Variants in ADAM23 observed in about 807,000 individuals in gnomAD.
ADAM23 encodes the protein disintegrin and metalloproteinase domain-containing protein 23.
In ADAM23, 33 loss-of-function variants were observed where a neutral mutation model predicts 120.1. The ratio of observed to expected loss-of-function variants is 0.27; its 90% confidence interval spans 0.21 to 0.37. The LOEUF is 0.37. ADAM23 is among the 10% of genes least tolerant of loss of function. The pLI, the probability that ADAM23 is intolerant of heterozygous loss-of-function variation, is 1.00. For missense variants in ADAM23, 862 were observed against 1,058.2 expected (o/e 0.81, Z 2.57); for synonymous variants, 367 against 375.2 (o/e 0.98, Z 0.25).
intron 2 of ADAM23, among the ~76,000 whole-genome samples, chr2:206,478,690 A>G (rs1303338488): frequency 1.3e-5 from 2 of 152,210 alleles, no homozygotes; most frequent in African/African-American, 4.8e-5. Flanking sequence ...CCACCTTTTC[A>G]GATTCATTGT....
intron 3 of ADAM23, among the ~76,000 whole-genome samples, chr2:206,485,598 C>T (rs1198519392): frequency 6.6e-6 from 1 of 152,142 alleles, no homozygotes; most frequent in African/African-American, 2.4e-5. Context: ...TTGCATCTGG[C>T]TTGTGGAGGC....
intron 2 of ADAM23, among the ~76,000 whole-genome samples, chr2:206,479,996 A>G (rs940998493): frequency 6.6e-6 from 1 of 152,130 alleles, no homozygotes; most frequent in Non-Finnish European, 1.5e-5. Context: ...TATTTGGTGA[A>G]TTACTTGGAA....
chr2:206,475,375 A>G (rs893855303), intron 2 of ADAM23, among the ~76,000 whole-genome samples: 1 of 152,172 alleles, frequency 6.6e-6, no homozygotes, highest in Non-Finnish European at 1.5e-5. Context: ...TTTTTGCATT[A>G]TACAGAAAAA....
In ADAM23 at chr2:206,617,759, G is replaced by C. The variant is rs990526965; in HGVS notation, c.*132G>C. On this transcript the variant is annotated 3_prime_UTR_variant, in exon 26 of 26. Coordinates refer to ENST00000264377, the MANE Select transcript of ADAM23 (RefSeq NM_003812.4). ...GGTAATGACTACGGAGCTAAAGTTGGGGTGACAAGGATGGGGTAAAAGAAA... is the reference window on the plus strand; with the variant it reads ...GGTAATGACTACGGAGCTAAAGTTGCGGTGACAAGGATGGGGTAAAAGAAA... 2 of 1,490,942 alleles carry C rather than the reference G, an allele frequency of 1.3e-6. No individual in the cohort carries two copies. Among genetic ancestry groups the C allele is most frequent in the Non-Finnish European group, 1.8e-6 (2 of 1,118,574 alleles). The allele number at this position is 1,490,942 out of a possible 1,614,324, so 92.4% of individuals were successfully genotyped here.
chr2:206,592,952 TTAG>T (rs1356386252), intron 22 of ADAM23, among the ~76,000 whole-genome samples: 3 of 152,166 alleles, frequency 2.0e-5, no homozygotes, highest in East Asian at 3.9e-4. Context: ...ATTATACTAG[TTAG>T]TAGTAATATG....
intron 13 of ADAM23, among the ~76,000 whole-genome samples, chr2:206,563,018 A>T (rs914343187): frequency 1.3e-5 from 2 of 152,226 alleles, no homozygotes; most frequent in African/African-American, 4.8e-5. Flanking sequence ...TCCATGAAAA[A>T]TGTTAATTTC....
intron 2 of ADAM23, among the ~76,000 whole-genome samples, chr2:206,472,334 G>A (rs1258786879): frequency 1.3e-5 from 2 of 152,142 alleles, no homozygotes; most frequent in East Asian, 3.8e-4. Flanking sequence ...CTTCGGCTGG[G>A]CGAAGTGGCT....
chr2:206,595,950 C>T, intron 23 of ADAM23, 101 bp from the exon 24 acceptor site: 1 of 877,084 alleles, frequency 1.1e-6, no homozygotes, highest in African/African-American at 1.7e-5. Context: ...TTCCAAATAG[C>T]TTTTAAAGCT....
At chr2:206,583,046 A>G (rs1318084006) in intron 18 of ADAM23, among the ~76,000 whole-genome samples, 1 of 152,184 alleles carries the variant, frequency 6.6e-6, no homozygotes, top group Non-Finnish European at 1.5e-5. Flanking sequence ...ATCTTTTTGC[A>G]ATGAATTTCT....
chr2:206,611,653 G>A (rs2105865965), intron 25 of ADAM23, among the ~76,000 whole-genome samples: 1 of 152,276 alleles, frequency 6.6e-6, no homozygotes, highest in Non-Finnish European at 1.5e-5. Context: ...CTAGCCATAT[G>A]CAATGCCAAA....
chr2:206,519,412 AGC>A (rs1405648753), intron 3 of ADAM23, among the ~76,000 whole-genome samples: 1 of 152,180 alleles, frequency 6.6e-6, no homozygotes, highest in African/African-American at 2.4e-5. Flanking sequence ...GATTTAGGTA[AGC>A]AAAGCACAAT....
chr2:206,490,292 T>C (rs1243745413), intron 3 of ADAM23, among the ~76,000 whole-genome samples: 1 of 152,220 alleles, frequency 6.6e-6, no homozygotes, highest in African/African-American at 2.4e-5. Flanking sequence ...TTTCTGTTGG[T>C]TAAACTACCA....
rs577878246 is a variant in ADAM23, at chr2:206,612,244, G to T, written c.2450+2244G>T. Among the ~76,000 whole-genome samples, 7 of 152,270 alleles carry T rather than the reference G, an allele frequency of 4.6e-5. No individual in the cohort carries two copies. The East Asian group carries it at 1.3e-3, about 29-fold the overall frequency. ...CAGCTTTAAATAACACTTCTACCTT[G>T]TAATAAAAGGCTTTTGGTGCTGAAT... is the stretch of plus-strand genomic sequence containing the variant. On this transcript the variant is annotated intron_variant, in intron 25 of 25. Transcript: ENST00000264377.
chr2:206,517,249 A>G (rs1301152617), intron 3 of ADAM23, among the ~76,000 whole-genome samples: 1 of 152,102 alleles, frequency 6.6e-6, no homozygotes. Flanking sequence ...TTGCCTTCAC[A>G]GATACTTATC....
intron 10 of ADAM23, among the ~76,000 whole-genome samples, chr2:206,558,776 A>G (rs563381885): frequency 6.6e-6 from 1 of 152,246 alleles, no homozygotes; most frequent in Admixed American, 6.5e-5. Context: ...GGGTTACCAC[A>G]TAAGGTTCTG....
intron 24 of ADAM23, among the ~76,000 whole-genome samples, chr2:206,600,388 A>G (rs1284788077): frequency 6.6e-6 from 1 of 152,222 alleles, no homozygotes; most frequent in Non-Finnish European, 1.5e-5. Flanking sequence ...CAGTAAGAGT[A>G]TTAAAAATAC....
intron 3 of ADAM23, among the ~76,000 whole-genome samples, chr2:206,496,879 C>T (rs1479962338): frequency 1.5e-4 from 23 of 152,162 alleles, no homozygotes; most frequent in African/African-American, 4.6e-4. Flanking sequence ...AACACCTCTA[C>T]GCAAATAAAC....
At chr2:206,459,824 T>G (rs182024346) in intron 2 of ADAM23, among the ~76,000 whole-genome samples, 21 of 152,304 alleles carry the variant, frequency 1.4e-4, no homozygotes, top group Admixed American at 1.2e-3. Context: ...TTGCCTTCTC[T>G]TCCTCTCAAG....
rs149250074 is a variant in ADAM23 at position 206,571,631 on chromosome 2, A to G, written c.1567-96A>G. On this transcript the variant is annotated intron_variant, in intron 16 of 25. Transcript: ENST00000264377. ...AGAATATTTGCTTACTGTTGTATAA[A>G]TGTTCTCATTTGGAATATGCATGCC... 2,121 of 793,788 alleles carry G rather than the reference A, an allele frequency of 2.7e-3. 7 individuals carry two copies. The highest frequency in any genetic ancestry group is 4.0e-3 in the Non-Finnish European group (1,850 of 463,936). 49.2% of individuals were successfully genotyped at this position (793,788 alleles called of 1,614,324 possible). A position where few individuals can be genotyped will look rare whatever the true frequency, so the allele number is the denominator to read the frequency against.
Sources: gnomAD v4.1 joint callset for allele counts (sites outside exome capture counted in the v4.1 genomes callset) on GRCh38, gnomAD v4.1.1 for gene constraint, MANE v1.5 for transcripts, NCBI Gene and HGNC (gene_info 2026-07-23, HGNC 2026-07-21) for gene names.